LGR4: variants seen among roughly 807,000 people sequenced by gnomAD.
LGR4 encodes the protein leucine rich repeat containing G protein-coupled receptor 4.
A neutral mutation model predicts 84.8 loss-of-function variants in LGR4; 44 were observed. The observed-to-expected ratio is 0.52, with a 90% CI of 0.41 to 0.67. The LOEUF is 0.67. LGR4 is among the 30% of genes least tolerant of loss of function. The pLI is 0.00. For synonymous variants in LGR4, 429 were observed against 434.3 expected, an observed-to-expected ratio of 0.99 and a Z score of 0.15; for missense variants, 1,032 against 1,131.4, an observed-to-expected ratio of 0.91 and a Z score of 1.26.
intron 3 of LGR4, 87 bp from the exon 4 acceptor site, chr11:27,391,252 C>CA: frequency 5.3e-6 from 2 of 376,150 alleles, no homozygotes; most frequent in Non-Finnish European, 9.2e-6. Context: ...TTTTTTTTTT[C>CA]AAAAAATATT....
intron 3 of LGR4, among the ~76,000 whole-genome samples, chr11:27,391,687 G>C (rs1286519832): frequency 9.5e-6 from 1 of 105,006 alleles, no homozygotes; most frequent in Non-Finnish European, 2.3e-5. Context: ...GGGGCCAGAA[G>C]AGAAATAGAG....
At chr11:27,425,686 G>A (rs1864010742) in intron 1 of LGR4, among the ~76,000 whole-genome samples, 2 of 152,116 alleles carry the variant, frequency 1.3e-5, no homozygotes, top group South Asian at 4.2e-4. Flanking sequence ...GACAGTAAAT[G>A]AACTGACCAT....
At chr11:27,443,711 A>AT (rs1250079974) in intron 1 of LGR4, among the ~76,000 whole-genome samples, 1 of 152,234 alleles carries the variant, frequency 6.6e-6, no homozygotes, top group Non-Finnish European at 1.5e-5. Context: ...GGGCATATTC[A>AT]TAACAGGAGT....
At chr11:27,372,880 G>A (rs760666157) in intron 15 of LGR4, 1 of 154,106 alleles carries the variant, frequency 6.5e-6, no homozygotes, top group Non-Finnish European at 1.4e-5. Context: ...TTTTTTTAGA[G>A]ACAGGGTCTT....
intron 1 of LGR4, among the ~76,000 whole-genome samples, chr11:27,415,754 C>A (rs1270644067): frequency 6.6e-6 from 1 of 152,030 alleles, no homozygotes; most frequent in Non-Finnish European, 1.5e-5. Flanking sequence ...TGGTGAGCTA[C>A]AAGATGTTAT....
intron 4 of LGR4, among the ~76,000 whole-genome samples, chr11:27,389,356 A>G (rs928555615): frequency 3.3e-5 from 5 of 152,076 alleles, no homozygotes; most frequent in Non-Finnish European, 5.9e-5. Flanking sequence ...ACTCATCCCA[A>G]TTTTGGAGAT....
chr11:27,457,178 G>C (rs908406499), intron 1 of LGR4, among the ~76,000 whole-genome samples: 1 of 152,132 alleles, frequency 6.6e-6, no homozygotes, highest in Non-Finnish European at 1.5e-5. Flanking sequence ...TCCTGCCATG[G>C]ACCAAGATGG....
Position 27,382,238 on chromosome 11 carries a change from G to T in LGR4, c.708C>A (p.Asn236Lys). ...NLETLDLNYN[N>K]LGEFPQAIKA... Reference sequence around the variant, plus strand: ...TAATAGCCTGAGGAAATTCCCCCAAGTTATTATAATTCAAGTCTCTAGAAA... The same window carrying T: ...TAATAGCCTGAGGAAATTCCCCCAATTTATTATAATTCAAGTCTCTAGAAA... Residue 236 changes from asparagine (N) to lysine (K), a missense_variant, in exon 7 of 18, where the codon AAC becomes AAA. Asn to Lys is a moderately conservative substitution (Grantham distance 94). Transcript: ENST00000379214. The T allele has an allele frequency of 6.2e-7, 1 of 1,606,978 alleles. No homozygotes were observed. Among genetic ancestry groups the T allele is most frequent in the Non-Finnish European group, 8.5e-7 (1 of 1,174,198 alleles).
At chr11:27,457,874 C>G (rs1413588369) in intron 1 of LGR4, among the ~76,000 whole-genome samples, 1 of 152,008 alleles carries the variant, frequency 6.6e-6, no homozygotes, top group Non-Finnish European at 1.5e-5. Flanking sequence ...ACACCTGTAA[C>G]CCCAGCACTT....
intron 1 of LGR4, among the ~76,000 whole-genome samples, chr11:27,459,321 G>T (rs552089579): frequency 2.0e-5 from 3 of 152,130 alleles, no homozygotes; most frequent in Non-Finnish European, 2.9e-5. Flanking sequence ...TCAGGCTCGA[G>T]TAACTTGAGG....
chr11:27,370,377 C>T (rs2133359707), intron 17 of LGR4, among the ~76,000 whole-genome samples: 1 of 152,324 alleles, frequency 6.6e-6, no homozygotes, highest in African/African-American at 2.4e-5. Flanking sequence ...GGAGGGGTAG[C>T]TCATCTACCT....
chr11:27,409,725 C>T (rs542926249), intron 2 of LGR4, among the ~76,000 whole-genome samples: 1 of 152,222 alleles, frequency 6.6e-6, no homozygotes, highest in South Asian at 2.1e-4. Flanking sequence ...CGTCCTAAAA[C>T]TTCTGAAATT....
chr11:27,421,820 T>C (rs557090044), intron 1 of LGR4, among the ~76,000 whole-genome samples: 7 of 152,236 alleles, frequency 4.6e-5, no homozygotes, highest in Non-Finnish European at 8.8e-5. Flanking sequence ...GTGTGGGATA[T>C]GTTCTAAAGA....
At chr11:27,370,918 T>C (rs2133360177) in intron 17 of LGR4, among the ~76,000 whole-genome samples, 1 of 152,318 alleles carries the variant, frequency 6.6e-6, no homozygotes, top group East Asian at 1.9e-4. Context: ...ATCTAGTAAC[T>C]TAGAGCTTAT....
intron 1 of LGR4, among the ~76,000 whole-genome samples, chr11:27,458,666 G>A (rs1384094808): frequency 2.6e-5 from 4 of 151,898 alleles, no homozygotes; most frequent in Admixed American, 2.6e-4. Flanking sequence ...AGCCTCCCGA[G>A]TAGCTAGGAT....
At chr11:27,468,985 ATTGAG>A (rs994607602) in intron 1 of LGR4, among the ~76,000 whole-genome samples, 1 of 152,188 alleles carries the variant, frequency 6.6e-6, no homozygotes, top group African/African-American at 2.4e-5. Context: ...AATGTAGGTG[ATTGAG>A]TTATTAGCAC....
At chr11:27,448,289 T>C (rs537698993) in intron 1 of LGR4, among the ~76,000 whole-genome samples, 7 of 127,134 alleles carry the variant, frequency 5.5e-5, no homozygotes, top group Admixed American at 5.2e-4. Context: ...TTCTTTTTTT[T>C]CTTTTCTTTT....
intron 1 of LGR4, among the ~76,000 whole-genome samples, chr11:27,453,643 C>A (rs1162194038): frequency 6.6e-6 from 1 of 152,134 alleles, no homozygotes; most frequent in African/African-American, 2.4e-5. Flanking sequence ...AGATACTGTT[C>A]AATTCTGTGT....
At chr11:27,374,400 A>G (rs1017393147) in intron 13 of LGR4, among the ~76,000 whole-genome samples, 11 of 152,188 alleles carry the variant, frequency 7.2e-5, no homozygotes, top group Non-Finnish European at 1.6e-4. Context: ...GAAAAAGCTG[A>G]AAATAAAAAC....
Sources: allele counts gnomAD v4.1 joint callset (sites outside exome capture counted in the v4.1 genomes callset), GRCh38; gene constraint gnomAD v4.1.1; transcripts MANE v1.5; gene names NCBI Gene and HGNC (gene_info 2026-07-23, HGNC 2026-07-21).